Variants in PCMTD1 observed in about 807,000 individuals in gnomAD.
PCMTD1 encodes the protein protein-L-isoaspartate (D-aspartate) O-methyltransferase domain containing 1.
A neutral mutation model predicts 37.6 loss-of-function variants in PCMTD1; 12 were observed. The ratio of observed to expected loss-of-function variants is 0.32; its 90% confidence interval spans 0.20 to 0.52. The LOEUF is 0.52. Ranked by LOEUF, PCMTD1 falls within the 20% of genes least tolerant of loss-of-function variation. The pLI, the probability that PCMTD1 is intolerant of heterozygous loss-of-function variation, is 0.97. For missense variants in PCMTD1, 235 were observed against 421.3 expected (o/e 0.56, Z 3.87); for synonymous variants, 117 against 135.8 (o/e 0.86, Z 0.96).
intron 2 of PCMTD1, among the ~76,000 whole-genome samples, chr8:51,855,575 T>C (rs551064313): frequency 3.0e-5 from 2 of 65,742 alleles, no homozygotes; most frequent in South Asian, 1.3e-3. Context: ...AAAAAAAAAG[T>C]GTAACACAGT....
At chr8:51,871,911 G>C (rs1563356473) in intron 1 of PCMTD1, among the ~76,000 whole-genome samples, 1 of 152,042 alleles carries the variant, frequency 6.6e-6, no homozygotes, top group Non-Finnish European at 1.5e-5. Context: ...AGCTCTCTTG[G>C]AAACATCCAC....
chr8:51,888,547 G>A (rs1368792744), intron 1 of PCMTD1, among the ~76,000 whole-genome samples: 2 of 152,132 alleles, frequency 1.3e-5, no homozygotes, highest in Non-Finnish European at 2.9e-5. Flanking sequence ...TTAACAATGA[G>A]AAAGAGACCC....
chr8:51,874,709 C>CTTTTTAT (rs2038688425), intron 1 of PCMTD1, among the ~76,000 whole-genome samples: 1 of 152,102 alleles, frequency 6.6e-6, no homozygotes, highest in Non-Finnish European at 1.5e-5. Context: ...CTTTAAAATG[C>CTTTTTAT]TTTCAATAAA....
chr8:51,875,341 C>T (rs1376104442), intron 1 of PCMTD1, among the ~76,000 whole-genome samples: 1 of 152,162 alleles, frequency 6.6e-6, no homozygotes, highest in Non-Finnish European at 1.5e-5. Context: ...CCTCCAAACA[C>T]ATATTATATA....
At chr8:51,824,060 G>A (rs1184463848) in intron 5 of PCMTD1, among the ~76,000 whole-genome samples, 1 of 152,064 alleles carries the variant, frequency 6.6e-6, no homozygotes, top group South Asian at 2.1e-4. Flanking sequence ...AATAATAAGA[G>A]CTATTTATGA....
rs879603489 is a variant in PCMTD1, at chr8:51,861,726, A to AT, written c.-95-481dup. Among the ~76,000 whole-genome samples the AT allele has an allele frequency of 2.2e-4, 30 of 137,062 alleles. No homozygotes were observed. In the East Asian group the frequency reaches 2.3e-3, roughly 11 times the overall value. The allele number at this position is 137,062 out of a possible 152,430, so 89.9% of individuals were successfully genotyped here. A position where few individuals can be genotyped will look rare whatever the true frequency, so the allele number is the denominator to read the frequency against. On this transcript the variant is annotated intron_variant, in intron 1 of 5. Coordinates refer to ENST00000522514, the MANE Select transcript of PCMTD1 (RefSeq NM_052937.4). ...AGTCAGAAACCATGTTTTTTTTTTA[A>AT]TTTTTTTTTTTTTAAGATAAGGTCT...
At chr8:51,878,084 A>C (rs1394524541) in intron 1 of PCMTD1, among the ~76,000 whole-genome samples, 1 of 152,164 alleles carries the variant, frequency 6.6e-6, no homozygotes, top group African/African-American at 2.4e-5. Context: ...AATTCTATCA[A>C]AATAAAAAGA....
At chr8:51,869,175 TAATTC>T (rs1486673476) in intron 1 of PCMTD1, among the ~76,000 whole-genome samples, 3 of 152,334 alleles carry the variant, frequency 2.0e-5, no homozygotes, top group East Asian at 1.9e-4. Flanking sequence ...AATACTGTGA[TAATTC>T]AATAATAATC....
intron 5 of PCMTD1, among the ~76,000 whole-genome samples, chr8:51,824,148 G>A (rs1161779628): frequency 6.6e-6 from 1 of 152,198 alleles, no homozygotes; most frequent in African/African-American, 2.4e-5. Context: ...AGACAAGGAT[G>A]TACTCTCTCA....
chr8:51,817,748 C>T lies in PCMTD1; in HGVS notation c.*2603G>A. 4.8e-6 allele frequency: 2 copies of T among 419,766 alleles called. No homozygotes were observed. The highest frequency in any genetic ancestry group is 9.4e-6 in the Non-Finnish European group (2 of 212,206). The allele number at this position is 419,766 out of a possible 1,614,324, so 26.0% of individuals were successfully genotyped here. A position where few individuals can be genotyped will look rare whatever the true frequency, so the allele number is the denominator to read the frequency against. On this transcript the variant is annotated 3_prime_UTR_variant, in exon 6 of 6. Coordinates refer to ENST00000522514, the MANE Select transcript of PCMTD1 (RefSeq NM_052937.4). ...TTAATAACATTTTTCTTTATTAATA[C>T]TAGAACCAAATATATTGACCAATAA...
intron 1 of PCMTD1, among the ~76,000 whole-genome samples, chr8:51,862,505 T>A (rs1563352045): frequency 6.6e-6 from 1 of 152,220 alleles, no homozygotes; most frequent in Non-Finnish European, 1.5e-5. Context: ...TTTATTCAAC[T>A]ATAGCTAGTA....
At chr8:51,848,797 A>T (rs930652601) in intron 2 of PCMTD1, 4 of 152,210 alleles carry the variant, frequency 2.6e-5, no homozygotes, top group African/African-American at 9.6e-5. Flanking sequence ...CTGAATTGTA[A>T]ACACCATTTA....
intron 1 of PCMTD1, among the ~76,000 whole-genome samples, chr8:51,886,403 T>C (rs2038865303): frequency 6.6e-6 from 1 of 152,220 alleles, no homozygotes; most frequent in Non-Finnish European, 1.5e-5. Flanking sequence ...CTTTTGTCAA[T>C]ACCCCTATCA....
At chr8:51,853,016 G>C (rs1237570085) in intron 2 of PCMTD1, among the ~76,000 whole-genome samples, 1 of 152,174 alleles carries the variant, frequency 6.6e-6, no homozygotes, top group African/African-American at 2.4e-5. Flanking sequence ...AGTGTCCAGA[G>C]CTCAGCTGCC....
At chr8:51,848,447 A>G (rs1349457083) in intron 2 of PCMTD1, among the ~76,000 whole-genome samples, 2 of 152,174 alleles carry the variant, frequency 1.3e-5, no homozygotes, top group Admixed American at 1.3e-4. Flanking sequence ...ATATAATAAC[A>G]AAGGTGTTAA....
At chr8:51,853,727 G>A (rs780282097) in intron 2 of PCMTD1, among the ~76,000 whole-genome samples, 27 of 152,002 alleles carry the variant, frequency 1.8e-4, no homozygotes, top group Non-Finnish European at 3.1e-4. Flanking sequence ...ACTTGCCTGA[G>A]CCACCCCACG....
intron 1 of PCMTD1, among the ~76,000 whole-genome samples, chr8:51,887,349 C>T (rs1209309978): frequency 6.6e-6 from 1 of 152,234 alleles, no homozygotes; most frequent in East Asian, 1.9e-4. Flanking sequence ...AAAATGTATA[C>T]CGGCAGCCCA....
At chr8:51,894,390 G>C (rs984534555) in intron 1 of PCMTD1, among the ~76,000 whole-genome samples, 1 of 152,190 alleles carries the variant, frequency 6.6e-6, no homozygotes, top group Non-Finnish European at 1.5e-5. Flanking sequence ...TTCCAGAGTG[G>C]ATCAGGAGCC....
chr8:51,867,476 GGTGTGTGTGTGTGTGTGT>G (rs59206546), intron 1 of PCMTD1, among the ~76,000 whole-genome samples: 105 of 141,586 alleles, frequency 7.4e-4, no homozygotes, highest in Non-Finnish European at 1.3e-3. Context: ...TAAAGAAAAT[GGTGTGTGTGTGTGTGTGT>G]GTGTGTGTGT....
Sources: allele counts gnomAD v4.1 joint callset (sites outside exome capture counted in the v4.1 genomes callset), GRCh38; gene constraint gnomAD v4.1.1; transcripts MANE v1.5; gene names NCBI Gene and HGNC (gene_info 2026-07-23, HGNC 2026-07-21).